Variants in ZFHX3 observed in about 807,000 individuals in gnomAD.
ZFHX3 encodes zinc finger homeobox 3, also known as zinc finger homeobox protein 3.
ZFHX3 carries 42 observed loss-of-function variants against 279.1 expected under a neutral mutation model. That is an observed-to-expected ratio of 0.15 (90% CI 0.12 to 0.19). The LOEUF (loss-of-function observed/expected upper bound fraction) is 0.19, where lower values mean the gene tolerates loss of function less well. ZFHX3 is among the 10% of genes least tolerant of loss of function. The pLI is 1.00. For missense variants in ZFHX3, 4,981 were observed against 4,754.0 expected, an observed-to-expected ratio of 1.05 and a Z score of -1.40; for synonymous variants, 2,293 against 1,957.8, an observed-to-expected ratio of 1.17 and a Z score of -4.52.
intron 3 of ZFHX3, among the ~76,000 whole-genome samples, chr16:73,345,782 C>T (rs925499900): frequency 6.6e-6 from 1 of 152,080 alleles, no homozygotes. Flanking sequence ...TGAGACCCAG[C>T]TATTTTCAAT....
intron 2 of ZFHX3, among the ~76,000 whole-genome samples, chr16:73,650,110 T>C (rs2142164722): frequency 6.6e-6 from 1 of 152,304 alleles, no homozygotes; most frequent in African/African-American, 2.4e-5. Context: ...TGGCAGGCTC[T>C]GATCATATAC....
chr16:73,221,607 A>G lies in ZFHX3; in HGVS notation c.-1104+35440T>C, dbSNP rs183844050. Among the ~76,000 whole-genome samples the G allele has an allele frequency of 2.0e-3, 305 of 152,132 alleles. 2 individuals are homozygous for G. Among genetic ancestry groups the G allele is most frequent in the Middle Eastern group, 6.8e-3 (2 of 294 alleles). ...CCACCTGTTCCCCAAAAACTATCGA[A>G]AAAAAAATGTATGGGAACTCCCATC... On this transcript the variant is annotated intron_variant, in intron 5 of 17. Coordinates refer to the ZFHX3 transcript ENST00000641206.
At chr16:73,364,244 G>A (rs926480387) in intron 3 of ZFHX3, among the ~76,000 whole-genome samples, 10 of 151,416 alleles carry the variant, frequency 6.6e-5, no homozygotes, top group African/African-American at 1.5e-4. Context: ...AACAAATGCC[G>A]TCTCATCCTG....
chr16:73,847,377 G>A (rs532593455), intron 1 of ZFHX3, among the ~76,000 whole-genome samples: 8 of 152,280 alleles, frequency 5.3e-5, no homozygotes, highest in South Asian at 2.1e-4. Flanking sequence ...AACCAGTGTC[G>A]AGGGGGGATT....
At chr16:72,948,717 C>A (rs567015104) in intron 3 of ZFHX3, among the ~76,000 whole-genome samples, 2 of 152,204 alleles carry the variant, frequency 1.3e-5, no homozygotes, top group African/African-American at 2.4e-5. Context: ...CACCTCTAAA[C>A]GACCTTCATC....
At chr16:73,088,467 A>G (rs962880808) in intron 8 of ZFHX3, among the ~76,000 whole-genome samples, 7 of 152,144 alleles carry the variant, frequency 4.6e-5, no homozygotes, top group Non-Finnish European at 7.4e-5. Context: ...CTTTTATTTC[A>G]TATACCTGTA....
intron 3 of ZFHX3, among the ~76,000 whole-genome samples, chr16:72,921,648 G>A (rs977721583): frequency 6.6e-6 from 1 of 152,212 alleles, no homozygotes; most frequent in East Asian, 1.9e-4. Flanking sequence ...CCAATGCTTC[G>A]TGCAGCAAAT....
At chr16:72,992,514 G>C (rs574861164) in intron 1 of ZFHX3, among the ~76,000 whole-genome samples, 6 of 152,060 alleles carry the variant, frequency 3.9e-5, no homozygotes, top group African/African-American at 9.7e-5. Flanking sequence ...AACTATGCTC[G>C]GCCAAGATTG....
At position 72,957,798 on chromosome 16, in the gene ZFHX3, GCCGCCGCCGCCGCAGCCA is replaced by G. The variant is rs762509156; in HGVS notation, c.2330_2347del (p.Val777_Ala782del). On this transcript the variant is annotated inframe_deletion, in exon 2 of 10. Transcript: ENST00000268489. ...CCCGCAGGAGCTACTGATATTGGCT[GCCGCCGCCGCCGCAGCCA>G]CCGCCGCCGCCGCCGCCCCGGCAGT... 6.9e-4 allele frequency: 921 copies of G among 1,327,296 alleles called. No homozygotes were observed. The highest frequency in any genetic ancestry group is 8.7e-4 in the Non-Finnish European group (823 of 948,592). The allele number at this position is 1,327,296 out of a possible 1,614,324, so 82.2% of individuals were successfully genotyped here.
intron 5 of ZFHX3, among the ~76,000 whole-genome samples, chr16:73,178,285 C>T (rs893811645): frequency 2.6e-5 from 4 of 151,988 alleles, no homozygotes; most frequent in African/African-American, 9.7e-5. Context: ...TTACAGGCAC[C>T]CGCCACAACA....
At chr16:73,878,161 T>C (rs1237450740) in intron 1 of ZFHX3, among the ~76,000 whole-genome samples, 1 of 152,078 alleles carries the variant, frequency 6.6e-6, no homozygotes, top group Non-Finnish European at 1.5e-5. Flanking sequence ...CATCAAGCAA[T>C]GACAACTCTT....
intron 1 of ZFHX3, among the ~76,000 whole-genome samples, chr16:72,985,178 C>G (rs1962792520): frequency 6.6e-6 from 1 of 152,144 alleles, no homozygotes; most frequent in Admixed American, 6.5e-5. Flanking sequence ...CCTAAACTGT[C>G]CTTGTCACCT....
At chr16:73,798,582 G>GACAC (rs10531772) in intron 1 of ZFHX3, among the ~76,000 whole-genome samples, 7 of 150,864 alleles carry the variant, frequency 4.6e-5, no homozygotes, top group African/African-American at 1.5e-4. Flanking sequence ...CACACACACA[G>GACAC]ACACACACAC....
chr16:73,091,079 C>T (rs1313964448), intron 8 of ZFHX3, among the ~76,000 whole-genome samples: 1 of 151,616 alleles, frequency 6.6e-6, no homozygotes, highest in Non-Finnish European at 1.5e-5. Flanking sequence ...GGCATGGTGG[C>T]GGGTGCCTGT....
chr16:73,761,318 G>T (rs888259906), intron 1 of ZFHX3, among the ~76,000 whole-genome samples: 2 of 152,148 alleles, frequency 1.3e-5, no homozygotes, highest in African/African-American at 4.8e-5. Flanking sequence ...ACAAACAACT[G>T]CTCAAGGAAG....
chr16:73,573,577 A>G (rs1342880483), intron 2 of ZFHX3, among the ~76,000 whole-genome samples: 1 of 152,250 alleles, frequency 6.6e-6, no homozygotes, highest in African/African-American at 2.4e-5. Flanking sequence ...CAAGTGCGTT[A>G]CAGTCGTGGT....
At chr16:72,828,020 T>C (rs1350491080) in intron 5 of ZFHX3, among the ~76,000 whole-genome samples, 1 of 152,226 alleles carries the variant, frequency 6.6e-6, no homozygotes, top group African/African-American at 2.4e-5. Flanking sequence ...GAATGACCCA[T>C]TTCTTCAGCC....
In ZFHX3 at chr16:73,552,426, C is replaced by A. The variant is rs146222469; in HGVS notation, c.-1546-96168G>T. ...TTGACTAACATCGTGCCATTTCATT[C>A]AAAAATGATCATTCTATCCTGATCC... On this transcript the variant is annotated intron_variant, in intron 2 of 17. Coordinates refer to the ZFHX3 transcript ENST00000641206. 1.8e-3 allele frequency among the ~76,000 whole-genome samples: 268 copies of A among 152,256 alleles called. 1 individual carries two copies. The highest frequency in any genetic ancestry group is 3.3e-3 in the Non-Finnish European group (222 of 68,016).
At chr16:72,977,761 G>C (rs1047307117) in intron 1 of ZFHX3, among the ~76,000 whole-genome samples, 1 of 152,166 alleles carries the variant, frequency 6.6e-6, no homozygotes, top group Non-Finnish European at 1.5e-5. Context: ...ATGAAAATCT[G>C]TGCACAATTT....
Sources: allele counts gnomAD v4.1 joint callset (sites outside exome capture counted in the v4.1 genomes callset), GRCh38; gene constraint gnomAD v4.1.1; transcripts MANE v1.5; gene names NCBI Gene and HGNC (gene_info 2026-07-23, HGNC 2026-07-21).